The following RBFOX1 variants were observed in gnomAD, a reference collection of about 807,000 sequenced individuals.
The protein encoded by RBFOX1 is RNA binding protein fox-1 homolog 1.
In RBFOX1, 8 loss-of-function variants were observed where a neutral mutation model predicts 57.7. The observed-to-expected ratio is 0.14, with a 90% confidence interval of 0.08 to 0.25. The LOEUF (loss-of-function observed/expected upper bound fraction) is 0.25, where lower values mean the gene tolerates loss of function less well. Among genes scored for constraint, RBFOX1 ranks in the 10% least tolerant of loss-of-function variants. The pLI is 1.00. For missense variants in RBFOX1, 611 were observed against 548.5 expected (o/e 1.11, Z -1.14); for synonymous variants, 326 against 222.4 (o/e 1.47, Z -4.15).
At chr16:6,903,667 C>G (rs953752371) in intron 3 of RBFOX1, among the ~76,000 whole-genome samples, 1 of 151,976 alleles carries the variant, frequency 6.6e-6, no homozygotes, top group Non-Finnish European at 1.5e-5. Flanking sequence ...TTCTCTTTAC[C>G]TAAAAAGAGA....
At chr16:5,886,371 G>C (rs2057900116) in intron 4 of RBFOX1, among the ~76,000 whole-genome samples, 1 of 152,114 alleles carries the variant, frequency 6.6e-6, no homozygotes, top group African/African-American at 2.4e-5. Context: ...AGCAAAGTAA[G>C]GCTTTAAAAA....
At chr16:7,191,253 G>C (rs73546570) in intron 4 of RBFOX1, among the ~76,000 whole-genome samples, 2,218 of 151,844 alleles carry the variant, frequency 0.015, 59 homozygotes, top group African/African-American at 0.051. Flanking sequence ...TATTTGATGG[G>C]AGAAGTAATT....
At chr16:6,058,937 T>C (rs556189303) in intron 1 of RBFOX1, among the ~76,000 whole-genome samples, 1 of 152,372 alleles carries the variant, frequency 6.6e-6, no homozygotes, top group East Asian at 1.9e-4. Context: ...TGCTTCACTC[T>C]AGCTTTCTTT....
At chr16:6,774,046 G>T (rs1337029720) in intron 3 of RBFOX1, 4 of 959,688 alleles carry the variant, frequency 4.2e-6, no homozygotes, top group Non-Finnish European at 5.0e-6. Context: ...ACCTGTAAAT[G>T]CTCATTGGCT....
At chr16:6,747,688 G>A (rs184709132) in intron 3 of RBFOX1, among the ~76,000 whole-genome samples, 2 of 152,028 alleles carry the variant, frequency 1.3e-5, no homozygotes, top group Non-Finnish European at 2.9e-5. Flanking sequence ...TCTGATTGCT[G>A]CCTTTTTTGC....
intron 4 of RBFOX1, among the ~76,000 whole-genome samples, chr16:5,965,893 C>T (rs375735394): frequency 6.6e-6 from 1 of 152,106 alleles, no homozygotes; most frequent in South Asian, 2.1e-4. Flanking sequence ...TCACACCTCT[C>T]ATTATAAATC....
intron 4 of RBFOX1, among the ~76,000 whole-genome samples, chr16:7,361,190 T>G (rs2097313003): frequency 6.6e-6 from 1 of 152,136 alleles, no homozygotes; most frequent in South Asian, 2.1e-4. Context: ...ATGAACCTGC[T>G]CAGTGAAGCC....
intron 3 of RBFOX1, among the ~76,000 whole-genome samples, chr16:5,609,615 G>T (rs2047703448): frequency 6.6e-6 from 1 of 152,170 alleles, no homozygotes; most frequent in Non-Finnish European, 1.5e-5. Flanking sequence ...CAAACCAAAT[G>T]GGACCCTGTG....
At chr16:7,355,465 G>A (rs1041267650) in intron 4 of RBFOX1, among the ~76,000 whole-genome samples, 27 of 152,182 alleles carry the variant, frequency 1.8e-4, no homozygotes, top group African/African-American at 4.6e-4. Context: ...GTGTGAGTCC[G>A]AAACCCTCCC....
At chr16:5,729,407 TTTTTTTTTG>T (rs2052279323) in intron 3 of RBFOX1, among the ~76,000 whole-genome samples, 2 of 150,486 alleles carry the variant, frequency 1.3e-5, no homozygotes, top group Admixed American at 1.3e-4. Flanking sequence ...TTTTTTTTTT[TTTTTTTTTG>T]CCAGCCAAGG....
intron 4 of RBFOX1, among the ~76,000 whole-genome samples, chr16:7,410,488 C>G (rs1045665722): frequency 2.0e-5 from 3 of 152,152 alleles, no homozygotes; most frequent in Non-Finnish European, 1.5e-5. Flanking sequence ...TCGAGACCAG[C>G]CTGACCAACA....
At chr16:7,689,302 C>A (rs994783032) in intron 14 of RBFOX1, among the ~76,000 whole-genome samples, 1 of 152,108 alleles carries the variant, frequency 6.6e-6, no homozygotes, top group Non-Finnish European at 1.5e-5. Context: ...CCCAACCAAG[C>A]CTTCCCAGTT....
chr16:7,142,008 C>G (rs1381319516), intron 4 of RBFOX1, among the ~76,000 whole-genome samples: 2 of 127,598 alleles, frequency 1.6e-5, no homozygotes, highest in Middle Eastern at 4.1e-3. Flanking sequence ...CTTCCTCCTT[C>G]TTCTTCCTTC....
At position 6,485,533 on chromosome 16, in the gene RBFOX1, C is replaced by T. The variant is rs566939653; in HGVS notation, c.-64+168476C>T. On this transcript the variant is annotated intron_variant, in intron 2 of 15. Transcript: ENST00000550418. The stretch of plus-strand genomic sequence containing the variant: ...TTTGCACGCTGGAGGATCACCAGAG[C>T]CTGTTTTTCTTTCTTTCTTTCAGGA... Among the ~76,000 whole-genome samples, 752 of 147,430 alleles carry T rather than the reference C, an allele frequency of 5.1e-3. 5 individuals carry two copies. Among genetic ancestry groups the T allele is most frequent in the East Asian group, 0.026 (129 of 5,030 alleles).
chr16:6,722,806 G>A (rs943553834), intron 3 of RBFOX1, among the ~76,000 whole-genome samples: 3 of 152,088 alleles, frequency 2.0e-5, no homozygotes, highest in Admixed American at 2.0e-4. Context: ...TATCTCAGCG[G>A]CCAGATGGGT....
intron 3 of RBFOX1, among the ~76,000 whole-genome samples, chr16:5,646,182 A>ATTTTTTTTTT (rs55685218): frequency 7.5e-6 from 1 of 133,726 alleles, no homozygotes. Flanking sequence ...GGCACGTGCT[A>ATTTTTTTTTT]TTTTTTTTTT....
At chr16:5,486,498 G>A (rs958453660) in intron 2 of RBFOX1, among the ~76,000 whole-genome samples, 29 of 152,228 alleles carry the variant, frequency 1.9e-4, no homozygotes, top group African/African-American at 6.8e-4. Flanking sequence ...AGATGGGGAA[G>A]CCGGATGGAA....
chr16:6,052,474 A>G (rs2095562462), intron 1 of RBFOX1, among the ~76,000 whole-genome samples: 1 of 152,020 alleles, frequency 6.6e-6, no homozygotes, highest in Non-Finnish European at 1.5e-5. Flanking sequence ...TAATCTGTAA[A>G]GTGGGGAACA....
intron 1 of RBFOX1, among the ~76,000 whole-genome samples, chr16:5,240,696 C>G (rs2062143939): frequency 6.6e-6 from 1 of 152,222 alleles, no homozygotes; most frequent in Non-Finnish European, 1.5e-5. Flanking sequence ...CAGAGAGGGA[C>G]AGAGAGGCAA....
Sources: allele counts gnomAD v4.1 joint callset (sites outside exome capture counted in the v4.1 genomes callset), GRCh38; gene constraint gnomAD v4.1.1; transcripts MANE v1.5; gene names NCBI Gene and HGNC (gene_info 2026-07-23, HGNC 2026-07-21).